DGKI: variants seen among roughly 807,000 people sequenced by gnomAD.
The protein encoded by DGKI is DAG kinase iota.
In DGKI, 55 loss-of-function variants were observed where a neutral mutation model predicts 147.5. The observed-to-expected ratio is 0.37, with a 90% CI of 0.30 to 0.47. The LOEUF is 0.47. Ranked by LOEUF, DGKI falls within the 20% of genes least tolerant of loss-of-function variation. The pLI is 1.00. For missense variants in DGKI, 1,007 were observed against 1,323.8 expected, an observed-to-expected ratio of 0.76 and a Z score of 3.71; for synonymous variants, 469 against 477.1, an observed-to-expected ratio of 0.98 and a Z score of 0.22.
intron 1 of DGKI, among the ~76,000 whole-genome samples, chr7:137,731,541 A>G (rs541939656): frequency 2.0e-5 from 3 of 152,154 alleles, no homozygotes; most frequent in African/African-American, 7.2e-5. Flanking sequence ...GCACCACCAT[A>G]CGTAGTAAAC....
chr7:137,603,443 G>C (rs1563107140), intron 10 of DGKI, among the ~76,000 whole-genome samples: 1 of 152,162 alleles, frequency 6.6e-6, no homozygotes, highest in Non-Finnish European at 1.5e-5. Flanking sequence ...AAGGGCTTAA[G>C]AAATTATTAT....
At chr7:137,687,793 G>A (rs773820974) in intron 2 of DGKI, among the ~76,000 whole-genome samples, 3 of 152,072 alleles carry the variant, frequency 2.0e-5, no homozygotes, top group Non-Finnish European at 4.4e-5. Flanking sequence ...AGGGCTTTCG[G>A]TTTTCCCACC....
chr7:137,810,803 C>T (rs942968195), intron 1 of DGKI, among the ~76,000 whole-genome samples: 3 of 151,756 alleles, frequency 2.0e-5, no homozygotes, highest in Admixed American at 1.3e-4. Flanking sequence ...AAGTGATACA[C>T]ATCACTTCCA....
chr7:137,697,459 A>T (rs1823829382), intron 1 of DGKI, among the ~76,000 whole-genome samples: 1 of 152,242 alleles, frequency 6.6e-6, no homozygotes, highest in Non-Finnish European at 1.5e-5. Context: ...AGTATAAATA[A>T]GAAATTGAGA....
chr7:137,751,766 T>C (rs1042970788), intron 1 of DGKI, among the ~76,000 whole-genome samples: 1 of 152,190 alleles, frequency 6.6e-6, no homozygotes, highest in Non-Finnish European at 1.5e-5. Flanking sequence ...CAAAAGCAAC[T>C]ATAGACAATA....
At chr7:137,459,459 G>A (rs938027593) in intron 27 of DGKI, among the ~76,000 whole-genome samples, 9 of 148,932 alleles carry the variant, frequency 6.0e-5, no homozygotes, top group Non-Finnish European at 8.9e-5. Flanking sequence ...TCTTTTCAAC[G>A]AATTTTTTAA....
At chr7:137,662,658 G>T (rs1020437940) in intron 3 of DGKI, among the ~76,000 whole-genome samples, 9 of 152,144 alleles carry the variant, frequency 5.9e-5, no homozygotes, top group Admixed American at 3.3e-4. Context: ...TGTGACCCGA[G>T]TGGAAACTCA....
At chr7:137,787,827 C>T (rs796678185) in intron 1 of DGKI, among the ~76,000 whole-genome samples, 22 of 151,954 alleles carry the variant, frequency 1.4e-4, no homozygotes, top group African/African-American at 5.3e-4. Context: ...TGAAACTGGA[C>T]ACTATTATGC....
intron 30 of DGKI, among the ~76,000 whole-genome samples, chr7:137,399,046 A>C (rs1418489425): frequency 2.0e-5 from 3 of 150,150 alleles, no homozygotes; most frequent in Non-Finnish European, 4.4e-5. Flanking sequence ...TTGCACACTC[A>C]ACCACATATT....
chr7:137,548,412 C>T (rs147995449), intron 20 of DGKI, among the ~76,000 whole-genome samples: 2 of 152,188 alleles, frequency 1.3e-5, no homozygotes, highest in Non-Finnish European at 2.9e-5. Flanking sequence ...GGGGCAGATC[C>T]CTCATAAATA....
chr7:137,478,192 T>C (rs1815243231), intron 23 of DGKI, among the ~76,000 whole-genome samples: 1 of 152,148 alleles, frequency 6.6e-6, no homozygotes, highest in Non-Finnish European at 1.5e-5. Flanking sequence ...AGTCAAGAGA[T>C]ATACCATGAG....
At chr7:137,812,974 GA>G (rs1194300886) in intron 1 of DGKI, among the ~76,000 whole-genome samples, 1 of 152,208 alleles carries the variant, frequency 6.6e-6, no homozygotes, top group African/African-American at 2.4e-5. Flanking sequence ...GAGAACAGCA[GA>G]AATGGTCAAG....
intron 12 of DGKI, among the ~76,000 whole-genome samples, chr7:137,591,146 C>T (rs1265646183): frequency 6.6e-6 from 1 of 152,224 alleles, no homozygotes; most frequent in Non-Finnish European, 1.5e-5. Context: ...ATCTCTTCTC[C>T]TTTTACCCTT....
intron 15 of DGKI, 83 bp from the exon 16 acceptor site, chr7:137,578,408 C>A (rs1283794430): frequency 2.1e-6 from 2 of 946,676 alleles, no homozygotes; most frequent in Non-Finnish European, 3.4e-6. Context: ...TCCTCCCCAG[C>A]TCCCTCCTAT....
chr7:137,582,029 GGA>G (rs1819214685), intron 14 of DGKI, 101 bp from the exon 15 acceptor site: 1 of 839,144 alleles, frequency 1.2e-6, no homozygotes, highest in South Asian at 1.7e-5. Context: ...GAAGTCCCTA[GGA>G]GACAGATCAG....
intron 19 of DGKI, among the ~76,000 whole-genome samples, chr7:137,565,623 G>C (rs943922834): frequency 1.2e-4 from 19 of 152,090 alleles, no homozygotes; most frequent in Non-Finnish European, 4.4e-5. Context: ...GAAATCTTTG[G>C]ATTTCATACT....
At chr7:137,725,004 A>G (rs753273228) in intron 1 of DGKI, among the ~76,000 whole-genome samples, 1 of 152,150 alleles carries the variant, frequency 6.6e-6, no homozygotes, top group Non-Finnish European at 1.5e-5. Context: ...GTGATGGAGG[A>G]GGAAAAGCAG....
At chr7:137,830,543 A>G (rs181066983) in intron 1 of DGKI, among the ~76,000 whole-genome samples, 1 of 152,350 alleles carries the variant, frequency 6.6e-6, no homozygotes, top group East Asian at 1.9e-4. Flanking sequence ...CTGCATTTTT[A>G]TGAAGAAAGC....
At chr7:137,793,395 G>C (rs564008825) in intron 1 of DGKI, among the ~76,000 whole-genome samples, 1 of 151,968 alleles carries the variant, frequency 6.6e-6, no homozygotes, top group East Asian at 1.9e-4. Flanking sequence ...CCACCTCCCG[G>C]GTTCAAGCGA....
Sources: allele counts gnomAD v4.1 joint callset (sites outside exome capture counted in the v4.1 genomes callset), GRCh38; gene constraint gnomAD v4.1.1; transcripts MANE v1.5; gene names NCBI Gene and HGNC (gene_info 2026-07-23, HGNC 2026-07-21).